KCNJ6: variants seen among roughly 807,000 people sequenced by gnomAD.
The protein encoded by KCNJ6 is G protein-activated inward rectifier potassium channel 2.
In KCNJ6, 9 loss-of-function variants were observed where a neutral mutation model predicts 34.2. The observed-to-expected ratio is 0.26, with a 90% confidence interval of 0.16 to 0.46. The LOEUF (loss-of-function observed/expected upper bound fraction) is 0.46. Ranked by LOEUF, KCNJ6 falls within the 20% of genes least tolerant of loss-of-function variation. KCNJ6 has a pLI of 1.00. For synonymous variants in KCNJ6, 196 were observed against 207.1 expected (o/e 0.95, Z 0.46); for missense variants, 236 against 531.3 (o/e 0.44, Z 5.46).
chr21:37,811,923 C>T (rs16995518), intron 2 of KCNJ6, among the ~76,000 whole-genome samples: 4,591 of 152,216 alleles, frequency 0.03, 218 homozygotes, highest in African/African-American at 0.1. Context: ...ATTGGAAAAA[C>T]ATTTGGCAAA....
intron 1 of KCNJ6, among the ~76,000 whole-genome samples, chr21:37,844,149 C>A (rs1379135253): frequency 6.6e-6 from 1 of 151,820 alleles, no homozygotes; most frequent in Non-Finnish European, 1.5e-5. Context: ...ACCTCCGCCT[C>A]CCGGGTTCAA....
chr21:37,662,413 C>T (rs575571653), intron 3 of KCNJ6, among the ~76,000 whole-genome samples: 2 of 152,302 alleles, frequency 1.3e-5, no homozygotes, highest in Admixed American at 1.3e-4. Flanking sequence ...ATTCCAGCTT[C>T]ATCCATGTCC....
intron 2 of KCNJ6, among the ~76,000 whole-genome samples, chr21:37,761,550 ATGTG>A (rs1269555930): frequency 1.7e-4 from 20 of 121,142 alleles, no homozygotes; most frequent in African/African-American, 3.6e-4. Flanking sequence ...TGTGTGTGGT[ATGTG>A]TGTATGTGTT....
chr21:37,681,402 A>T (rs2054589911), intron 3 of KCNJ6, among the ~76,000 whole-genome samples: 1 of 152,208 alleles, frequency 6.6e-6, no homozygotes. Flanking sequence ...AGTTCCTCTG[A>T]TGTGCTCTTC....
rs899991773 is a variant in KCNJ6 at position 37,675,897 on chromosome 21, G to A, written c.946+38314C>T. On this transcript the variant is annotated intron_variant, in intron 3 of 3. Transcript: ENST00000609713. The surrounding 1 kb of genome is among the most constrained non-coding windows in gnomAD (Gnocchi z 4.2). ...GGGGGTGGGGGTGGGGGTGGGGTGCGCCGACCCTGCTGCGCTTGTCAGCTT... is the reference window on the plus strand; with the variant it reads ...GGGGGTGGGGGTGGGGGTGGGGTGCACCGACCCTGCTGCGCTTGTCAGCTT... Among the ~76,000 whole-genome samples, 2 of 152,184 alleles carry A rather than the reference G, an allele frequency of 1.3e-5. No homozygotes were observed. Among genetic ancestry groups the A allele is most frequent in the Non-Finnish European group, 2.9e-5 (2 of 68,024 alleles).
At chr21:37,723,230 T>C (rs1185424563) in intron 2 of KCNJ6, among the ~76,000 whole-genome samples, 1 of 152,182 alleles carries the variant, frequency 6.6e-6, no homozygotes, top group Non-Finnish European at 1.5e-5. Context: ...GTGAGATACC[T>C]TCTCACACCA....
rs9680369 is a variant in KCNJ6 at position 37,690,362 on chromosome 21, C to T, written c.946+23849G>A. Reference sequence around the variant, plus strand: ...TGATACATAAAAAGTTAATTAAAATCATTCAAGGACTGCCTACCATAAGAC... The same window carrying T: ...TGATACATAAAAAGTTAATTAAAATTATTCAAGGACTGCCTACCATAAGAC... On this transcript the variant is annotated intron_variant, in intron 3 of 3. Transcript: ENST00000609713. Among the ~76,000 whole-genome samples, 5 of 152,276 alleles carry T rather than the reference C, an allele frequency of 3.3e-5. No homozygotes were observed. The South Asian group carries it at 1.0e-3, about 32-fold the overall frequency.
At chr21:37,883,940 G>A (rs1311341388) in intron 1 of KCNJ6, among the ~76,000 whole-genome samples, 1 of 152,136 alleles carries the variant, frequency 6.6e-6, no homozygotes, top group Non-Finnish European at 1.5e-5. Flanking sequence ...GAAGCTGCCT[G>A]TTTGCCAGAA....
chr21:37,795,739 AAAAAAAAAC>A (rs1490399857), intron 2 of KCNJ6, among the ~76,000 whole-genome samples: 1 of 151,344 alleles, frequency 6.6e-6, no homozygotes, highest in Non-Finnish European at 1.5e-5. Context: ...CGTCTCAAAA[AAAAAAAAAC>A]AAAAAAAAAC....
intron 2 of KCNJ6, among the ~76,000 whole-genome samples, chr21:37,754,806 G>C (rs536060633): frequency 6.6e-6 from 1 of 152,332 alleles, no homozygotes; most frequent in East Asian, 1.9e-4. Flanking sequence ...GAAAGGCCTG[G>C]ATTTCTTCCT....
rs891851731 is a variant in KCNJ6 at position 37,683,591 on chromosome 21, G to T, written c.946+30620C>A. Among the ~76,000 whole-genome samples, 8 of 152,210 alleles carry T rather than the reference G, an allele frequency of 5.3e-5. No homozygotes were observed. In the South Asian group the frequency reaches 8.3e-4, roughly 16 times the overall value. The stretch of plus-strand genomic sequence containing the variant: ...CACTGTCTCTTTAAGGGCCAGAATG[G>T]TCTGTTTTCCCTGCTTAACATATTT... On this transcript the variant is annotated intron_variant, in intron 3 of 3. Transcript: ENST00000609713.
At chr21:37,786,507 T>C (rs1408894738) in intron 2 of KCNJ6, among the ~76,000 whole-genome samples, 1 of 152,236 alleles carries the variant, frequency 6.6e-6, no homozygotes, top group Non-Finnish European at 1.5e-5. Context: ...AAGGTGCCTC[T>C]GGACACTGTC....
At chr21:37,870,377 T>C (rs908555841) in intron 1 of KCNJ6, among the ~76,000 whole-genome samples, 4 of 152,168 alleles carry the variant, frequency 2.6e-5, no homozygotes, top group African/African-American at 9.7e-5. Flanking sequence ...TTTAAGCATC[T>C]GTTTTCTTTG....
chr21:37,765,682 A>T (rs1179818635), intron 2 of KCNJ6, among the ~76,000 whole-genome samples: 1 of 152,240 alleles, frequency 6.6e-6, no homozygotes, highest in Admixed American at 6.5e-5. Flanking sequence ...ACTACAAAAA[A>T]ACCCCTGAAG....
chr21:37,644,936 G>A (rs2054396832), intron 3 of KCNJ6, among the ~76,000 whole-genome samples: 6 of 146,244 alleles, frequency 4.1e-5, no homozygotes, highest in Admixed American at 6.6e-5. Flanking sequence ...AAGATTCCAA[G>A]GTGCCCTTCT....
At chr21:37,853,609 A>T in intron 1 of KCNJ6, among the ~76,000 whole-genome samples, 1 of 152,050 alleles carries the variant, frequency 6.6e-6, no homozygotes, top group Non-Finnish European at 1.5e-5. Flanking sequence ...ACATGGAAAG[A>T]GAAAATATAT....
At position 37,877,252 on chromosome 21, in the gene KCNJ6, A is replaced by G. The variant is rs192018941; in HGVS notation, c.-27-36543T>C. On this transcript the variant is annotated intron_variant, in intron 1 of 3. Coordinates refer to ENST00000609713, the MANE Select transcript of KCNJ6 (RefSeq NM_002240.5). ...ACCTTTTCTCCCCAGGTCTCTCCTG[A>G]TAACTCTGAAAGTCTAAAACAGCAG... Among the ~76,000 whole-genome samples the G allele has an allele frequency of 1.7e-3, 259 of 152,270 alleles. 1 individual carries two copies. In the South Asian group the frequency reaches 0.024, roughly 14 times the overall value.
intron 2 of KCNJ6, among the ~76,000 whole-genome samples, chr21:37,738,615 T>C (rs1382523675): frequency 6.6e-6 from 1 of 152,250 alleles, no homozygotes; most frequent in African/African-American, 2.4e-5. Context: ...TGCAAACTTT[T>C]GGCTCATATC....
At chr21:37,865,823 A>G (rs1029046716) in intron 1 of KCNJ6, among the ~76,000 whole-genome samples, 6 of 152,242 alleles carry the variant, frequency 3.9e-5, no homozygotes, top group African/African-American at 1.2e-4. Context: ...TGTTGGATTT[A>G]AACTGCACTC....
Sources: gnomAD v4.1 joint callset for allele counts (sites outside exome capture counted in the v4.1 genomes callset) on GRCh38, gnomAD v4.1.1 for gene constraint, Gnocchi (gnomAD v3.1) non-coding constraint, MANE v1.5 for transcripts, NCBI Gene and HGNC (gene_info 2026-07-23, HGNC 2026-07-21) for gene names.